The following CCDC148 variants were observed in gnomAD, a reference collection of about 807,000 sequenced individuals.
The protein encoded by CCDC148 is coiled-coil domain containing 148.
In CCDC148, 89 loss-of-function variants were observed where a neutral mutation model predicts 85.7. The ratio of observed to expected loss-of-function variants is 1.04; its 90% CI spans 0.87 to 1.24. The LOEUF is 1.24. CCDC148 is among the 50% of genes most tolerant of loss of function. The pLI is 0.00. For missense variants in CCDC148, 692 were observed against 671.7 expected, an observed-to-expected ratio of 1.03 and a Z score of -0.33; for synonymous variants, 230 against 213.9, an observed-to-expected ratio of 1.08 and a Z score of -0.66.
At chr2:158,369,865 G>A (rs1684364124) in intron 1 of CCDC148, among the ~76,000 whole-genome samples, 2 of 152,106 alleles carry the variant, frequency 1.3e-5, no homozygotes, top group South Asian at 4.1e-4. Flanking sequence ...CGTTTGTTAA[G>A]AGTTTTTAAC....
chr2:158,175,456 G>A (rs1056603480), intron 13 of CCDC148, among the ~76,000 whole-genome samples: 1 of 151,892 alleles, frequency 6.6e-6, no homozygotes, highest in Non-Finnish European at 1.5e-5. Context: ...CTCCAGTCGG[G>A]GTTAGCCATT....
chr2:158,429,039 G>A (rs1687206108), intron 1 of CCDC148, among the ~76,000 whole-genome samples: 2 of 151,862 alleles, frequency 1.3e-5, no homozygotes, highest in East Asian at 1.9e-4. Context: ...CACAAGGACG[G>A]GAAACCAAAC....
chr2:158,212,511 G>A (rs1420503780), intron 11 of CCDC148, among the ~76,000 whole-genome samples: 1 of 152,080 alleles, frequency 6.6e-6, no homozygotes, highest in African/African-American at 2.4e-5. Context: ...ATGTTGGCAA[G>A]GACCTCAAAA....
chr2:158,449,507 G>A (rs546118909), intron 1 of CCDC148, among the ~76,000 whole-genome samples: 252 of 151,906 alleles, frequency 1.7e-3, no homozygotes, highest in Non-Finnish European at 3.1e-3. Flanking sequence ...GAGTGCAGTG[G>A]TAGGATCTCG....
intron 7 of CCDC148, among the ~76,000 whole-genome samples, chr2:158,323,145 T>G (rs1692598209): frequency 6.6e-6 from 1 of 152,130 alleles, no homozygotes; most frequent in Admixed American, 6.5e-5. Context: ...GAGGTTCAAT[T>G]GTAGTCAAAT....
chr2:158,275,241 A>G (rs543430622), intron 9 of CCDC148, among the ~76,000 whole-genome samples: 25 of 152,174 alleles, frequency 1.6e-4, no homozygotes, highest in Non-Finnish European at 3.2e-4. Flanking sequence ...TGGCTAGCCA[A>G]TTTTCTGTGA....
intron 1 of CCDC148, among the ~76,000 whole-genome samples, chr2:158,380,599 G>A (rs769092756): frequency 8.5e-5 from 13 of 152,084 alleles, no homozygotes; most frequent in Non-Finnish European, 1.3e-4. Context: ...GTTTTTTTGT[G>A]CATATGAAAA....
intron 2 of CCDC148, among the ~76,000 whole-genome samples, chr2:158,355,974 T>C (rs1227448726): frequency 1.5e-5 from 2 of 135,006 alleles, no homozygotes; most frequent in African/African-American, 6.6e-5. Context: ...AAACAAGCAA[T>C]GGGGAAAGGA....
intron 1 of CCDC148, among the ~76,000 whole-genome samples, chr2:158,383,526 CTTT>C (rs1574728553): frequency 6.6e-6 from 1 of 151,988 alleles, no homozygotes; most frequent in East Asian, 1.9e-4. Context: ...TTATTGTCTT[CTTT>C]GTGTTCCATA....
At chr2:158,428,830 T>G (rs11686673) in intron 1 of CCDC148, among the ~76,000 whole-genome samples, 26,859 of 151,922 alleles carry the variant, frequency 0.18, 3,103 homozygotes, top group Middle Eastern at 0.26. Flanking sequence ...TAAAGACACA[T>G]GCACACATAT....
intron 11 of CCDC148, among the ~76,000 whole-genome samples, chr2:158,215,555 A>T (rs894113647): frequency 7.3e-5 from 11 of 149,944 alleles, no homozygotes; most frequent in East Asian, 3.9e-4. Flanking sequence ...TTTTTTTTTT[A>T]AATTATACTT....
chr2:158,234,432 A>T (rs1297683729), intron 10 of CCDC148, among the ~76,000 whole-genome samples: 1 of 152,198 alleles, frequency 6.6e-6, no homozygotes, highest in Non-Finnish European at 1.5e-5. Flanking sequence ...AAGGTGATAA[A>T]CAAGCTCATT....
chr2:158,226,209 A>C (rs1687511683), intron 10 of CCDC148, among the ~76,000 whole-genome samples: 1 of 152,246 alleles, frequency 6.6e-6, no homozygotes, highest in Admixed American at 6.5e-5. Context: ...ATCTAGAAGA[A>C]ATGGATAAAT....
At chr2:158,183,493 A>C (rs1685005318) in intron 11 of CCDC148, among the ~76,000 whole-genome samples, 1 of 152,160 alleles carries the variant, frequency 6.6e-6, no homozygotes, top group Admixed American at 6.6e-5. Context: ...CTCTCAAAAG[A>C]AGCTACAGCC....
At chr2:158,275,880 C>T (rs1689917942) in intron 9 of CCDC148, among the ~76,000 whole-genome samples, 1 of 152,042 alleles carries the variant, frequency 6.6e-6, no homozygotes, top group African/African-American at 2.4e-5. Context: ...ATCATCAGTA[C>T]TTCTCTGTAC....
At chr2:158,297,964 T>A (rs1230021575) in intron 9 of CCDC148, among the ~76,000 whole-genome samples, 5 of 152,194 alleles carry the variant, frequency 3.3e-5, no homozygotes, top group Admixed American at 6.5e-5. Flanking sequence ...ACCAGGTAAT[T>A]TATAAAGGAA....
intron 9 of CCDC148, among the ~76,000 whole-genome samples, chr2:158,279,501 T>C (rs1043403592): frequency 1.3e-5 from 2 of 152,198 alleles, no homozygotes; most frequent in East Asian, 1.9e-4. Flanking sequence ...GGAGCCGATG[T>C]GATCAACTGG....
intron 1 of CCDC148, among the ~76,000 whole-genome samples, chr2:158,437,917 G>T (rs13416405): frequency 1.3e-5 from 2 of 152,092 alleles, no homozygotes; most frequent in African/African-American, 2.4e-5. Context: ...CAACTTACAA[G>T]GGACGTGAAG....
intron 1 of CCDC148, among the ~76,000 whole-genome samples, chr2:158,382,242 T>C (rs1684901920): frequency 6.6e-6 from 1 of 152,110 alleles, no homozygotes; most frequent in Non-Finnish European, 1.5e-5. Context: ...AATTACCTAG[T>C]CTACAGTATT....
Sources: allele counts gnomAD v4.1 joint callset (sites outside exome capture counted in the v4.1 genomes callset), GRCh38; gene constraint gnomAD v4.1.1; transcripts MANE v1.5; gene names NCBI Gene and HGNC (gene_info 2026-07-23, HGNC 2026-07-21).